The following LRP2 variants were observed in gnomAD, a reference collection of about 807,000 sequenced individuals.
LRP2 encodes the protein LDL receptor related protein 2, also known as low-density lipoprotein receptor-related protein 2.
Under a neutral mutation model 531.0 loss-of-function variants are expected in LRP2, and 172 were observed. That is an observed-to-expected ratio of 0.32 (90% CI 0.29 to 0.37). LRP2 has a LOEUF of 0.37. Ranked by LOEUF, LRP2 falls within the 10% of genes least tolerant of loss-of-function variation. The pLI is 1.00. For missense variants in LRP2, 5,167 were observed against 5,868.3 expected (o/e 0.88, Z 3.90); for synonymous variants, 1,992 against 2,027.6 (o/e 0.98, Z 0.47).
chr2:169,282,534 A>G (rs1683734898), intron 10 of LRP2, among the ~76,000 whole-genome samples: 1 of 152,224 alleles, frequency 6.6e-6, no homozygotes, highest in Non-Finnish European at 1.5e-5. Context: ...GTGGTAGGTA[A>G]TTAATTAAAA....
intron 35 of LRP2, 81 bp downstream of exon 35, chr2:169,216,172 C>T: frequency 6.9e-7 from 1 of 1,444,490 alleles, no homozygotes; most frequent in Non-Finnish European, 9.7e-7. Flanking sequence ...GTTCAAGAAC[C>T]ACTGCCTGAC....
At chr2:169,342,721 C>T (rs763923915) in intron 1 of LRP2, among the ~76,000 whole-genome samples, 9 of 152,142 alleles carry the variant, frequency 5.9e-5, no homozygotes, top group Non-Finnish European at 4.4e-5. Context: ...ATAGACCTCT[C>T]ACCCTGTAGC....
At chr2:169,139,460 CTGGGT>C in intron 73 of LRP2, 78 bp downstream of exon 73, 1 of 1,613,014 alleles carries the variant, frequency 6.2e-7, no homozygotes, top group Non-Finnish European at 8.5e-7. Context: ...CCTTCAAAGA[CTGGGT>C]TAAGTAGAAA....
Position 169,246,484 on chromosome 2 carries a change from A to T in LRP2, c.3190+221T>A, listed in dbSNP as rs114779248. ...CCAAACAGCCAATGTCAAGGAAAAA[A>T]ATTGTTGAAGATAGTCTAAATCAAG... On this transcript the variant is annotated intron_variant, in intron 21 of 78. Coordinates refer to ENST00000649046, the MANE Select transcript of LRP2 (RefSeq NM_004525.3). Among the ~76,000 whole-genome samples, 1,967 of 152,270 alleles carry T rather than the reference A, an allele frequency of 0.013. 22 individuals are homozygous for T. Among genetic ancestry groups the T allele is most frequent in the Middle Eastern group, 0.068 (20 of 294 alleles).
Position 169,275,048 on chromosome 2 carries a change from T to C in LRP2, c.1963A>G (p.Arg655Gly), listed in dbSNP as rs1321336350. The change falls in exon 14 of 79, where the codon AGA becomes GGA. Residue 655 changes from arginine to glycine, a missense_variant. Transcript: ENST00000649046. The part of the protein sequence containing the change: ...PYGVTVYHSL[R>G]QPYATNPCKD... ...CTCTGAGGCTTACCATAGGGCTGTCTGAGGGAATGGTAAACAGTCACTCCA... is the reference window on the plus strand; with the variant it reads ...CTCTGAGGCTTACCATAGGGCTGTCCGAGGGAATGGTAAACAGTCACTCCA... 2 of 1,613,432 alleles carry C rather than the reference T, an allele frequency of 1.2e-6. No homozygotes were observed. The highest frequency in any genetic ancestry group is 1.7e-6 in the Non-Finnish European group (2 of 1,179,678).
Position 169,132,655 on chromosome 2 carries a change from A to G in LRP2, c.13647T>C (p.Asn4549=). The change falls in exon 77 of 79, where the codon AAT becomes AAC. Residue 4549 remains asparagine (N), a synonymous_variant. Transcript: ENST00000649046. ...GGTTTATGGGACTTCCATAATTCTT[A>G]TTATCCACATTTTCAGATACAGTCA... ...IQVTVSENVD[N]KNYGSPINPS... 4.4e-6 allele frequency: 7 copies of G among 1,603,482 alleles called. No homozygotes were observed. The highest frequency in any genetic ancestry group is 6.0e-6 in the Non-Finnish European group (7 of 1,170,364).
rs759289329 is a variant in LRP2 at position 169,235,903 on chromosome 2, A to G, written c.4857T>C (p.Leu1619=). ...TATAATCACAAAAGTCCATGTAATC[A>G]AGATAGGAGTCCATGAAGTAGAGCA... ...NRLLYFMDSY[L]DYMDFCDYNG... is the part of the protein sequence containing the mutation. The change falls in exon 29 of 79, where the codon CTT becomes CTC. Residue 1619 remains leucine (L), a synonymous_variant. Transcript: ENST00000649046. 1 of 1,614,198 alleles carries G rather than the reference A, an allele frequency of 6.2e-7. No homozygotes were observed. Among genetic ancestry groups the G allele is most frequent in the Non-Finnish European group, 8.5e-7 (1 of 1,180,012 alleles).
At chr2:169,335,834 C>A (rs1027729886) in intron 1 of LRP2, among the ~76,000 whole-genome samples, 1 of 151,786 alleles carries the variant, frequency 6.6e-6, no homozygotes, top group Non-Finnish European at 1.5e-5. Flanking sequence ...GCCAGCATGG[C>A]AAAACCCCAT....
At chr2:169,309,978 T>A (rs1180517589) in intron 3 of LRP2, among the ~76,000 whole-genome samples, 1 of 152,198 alleles carries the variant, frequency 6.6e-6, no homozygotes, top group Admixed American at 6.5e-5. Flanking sequence ...TTATTCTCTT[T>A]GAAGCAATTG....
intron 4 of LRP2, among the ~76,000 whole-genome samples, chr2:169,301,024 G>A (rs899055606): frequency 2.6e-5 from 4 of 152,060 alleles, no homozygotes; most frequent in African/African-American, 9.7e-5. Context: ...CTGGGACAAA[G>A]CAGCCCCAGT....
intron 3 of LRP2, among the ~76,000 whole-genome samples, chr2:169,311,105 G>A (rs1054375650): frequency 3.3e-5 from 5 of 151,928 alleles, no homozygotes; most frequent in Admixed American, 6.6e-5. Flanking sequence ...TTCGTTATTA[G>A]TCTTCCTAGT....
At chr2:169,240,035 A>G (rs895348997) in intron 25 of LRP2, among the ~76,000 whole-genome samples, 2 of 152,196 alleles carry the variant, frequency 1.3e-5, no homozygotes, top group African/African-American at 4.8e-5. Flanking sequence ...AACTCCATTT[A>G]ATGCAATGAG....
At chr2:169,192,953 C>A (rs371802826) in intron 47 of LRP2, among the ~76,000 whole-genome samples, 1 of 152,138 alleles carries the variant, frequency 6.6e-6, no homozygotes, top group African/African-American at 2.4e-5. Context: ...CATAGAAAGA[C>A]ATTATTCTAA....
intron 33 of LRP2, among the ~76,000 whole-genome samples, chr2:169,223,957 G>C (rs529623734): frequency 5.9e-5 from 9 of 152,014 alleles, no homozygotes; most frequent in Non-Finnish European, 1.2e-4. Flanking sequence ...TCTCTGCCTG[G>C]GACACCTTTT....
chr2:169,265,404 C>A (rs551338024), intron 16 of LRP2, among the ~76,000 whole-genome samples: 1 of 152,052 alleles, frequency 6.6e-6, no homozygotes, highest in Non-Finnish European at 1.5e-5. Flanking sequence ...ACCCTTAATA[C>A]CAAACTAGCA....
intron 77 of LRP2, 92 bp downstream of exon 77, chr2:169,132,482 G>A: frequency 2.5e-6 from 2 of 784,942 alleles, no homozygotes; most frequent in Admixed American, 3.5e-5. Flanking sequence ...GAGCCTTCCA[G>A]AATCTCCCTT....
At chr2:169,182,613 C>A in intron 50 of LRP2, 1 of 985,382 alleles carries the variant, frequency 1.0e-6, no homozygotes, top group Non-Finnish European at 1.2e-6. Context: ...CAGCATAAGG[C>A]ACCCTCTCCA....
chr2:169,187,978 T>C lies in LRP2; in HGVS notation c.9320A>G (p.Lys3107Arg). The C allele has an allele frequency of 6.2e-7, 1 of 1,614,118 alleles. No individual in the cohort carries two copies. Among genetic ancestry groups the C allele is most frequent in the Admixed American group, 1.7e-5 (1 of 60,010 alleles). Residue 3107 changes from lysine (K) to arginine (R), a missense_variant, in exon 49 of 79, where the codon AAA (lysine) becomes AGA (arginine). Lys to Arg is a conservative substitution (Grantham distance 26, BLOSUM62 2). Transcript: ENST00000649046. ...TCCTCTGTTGTACTCACCACAGCCTTTCTCATCGCTGTTGTCCAAACAGTC... is the reference window on the plus strand; with the variant it reads ...TCCTCTGTTGTACTCACCACAGCCTCTCTCATCGCTGTTGTCCAAACAGTC... Reference protein sequence around the residue: ...LDDCLDNSDEKGCGINECHDP... With the variant: ...LDDCLDNSDERGCGINECHDP...
chr2:169,151,039 G>T lies in LRP2; in HGVS notation c.12462-13C>A, dbSNP rs139211353. The stretch of plus-strand genomic sequence containing the variant: ...CCAGTAAATATGCCTGAATTCAGAG[G>T]GACAAAGTTAAACAACTGCAAAGCC... On this transcript the variant is annotated splice_polypyrimidine_tract_variant and intron_variant, in intron 67 of 78. Transcript: ENST00000649046. 6.2e-7 allele frequency: 1 copy of T among 1,613,658 alleles called. No individual in the cohort carries two copies. Among genetic ancestry groups the T allele is most frequent in the Non-Finnish European group, 8.5e-7 (1 of 1,179,764 alleles).
Sources: allele counts gnomAD v4.1 joint callset (sites outside exome capture counted in the v4.1 genomes callset), GRCh38; gene constraint gnomAD v4.1.1; transcripts MANE v1.5; gene names NCBI Gene and HGNC (gene_info 2026-07-23, HGNC 2026-07-21).